Variants in SRI observed in about 807,000 individuals in gnomAD.
SRI encodes the protein sorcin, also known as 22 kDa protein.
In SRI, 30 loss-of-function variants were observed where a neutral mutation model predicts 33.3. The ratio of observed to expected loss-of-function variants is 0.90; its 90% confidence interval spans 0.67 to 1.22. SRI has a LOEUF of 1.22. Among genes scored for constraint, SRI ranks in the 50% most tolerant of loss-of-function variants. The probability of loss-of-function intolerance (pLI) is 0.00; values close to 1 mark genes in which losing one functional copy is unlikely to be tolerated. For missense variants in SRI, 243 were observed against 250.8 expected, an observed-to-expected ratio of 0.97 and a Z score of 0.21; for synonymous variants, 75 against 89.9, an observed-to-expected ratio of 0.83 and a Z score of 0.94.
chr7:88,216,363 A>T (rs1851714289), intron 3 of SRI, among the ~76,000 whole-genome samples: 1 of 152,150 alleles, frequency 6.6e-6, no homozygotes, highest in Non-Finnish European at 1.5e-5. Flanking sequence ...GGGCTGAATT[A>T]TGGAGCAGCA....
intron 6 of SRI, chr7:88,208,943 A>G (rs1301696472): frequency 2.9e-5 from 8 of 280,030 alleles, no homozygotes; most frequent in South Asian, 1.3e-4. Context: ...AGAGTCCCCA[A>G]TATAACAAAT....
intron 3 of SRI, among the ~76,000 whole-genome samples, chr7:88,212,160 G>T (rs1160666078): frequency 6.6e-6 from 1 of 152,064 alleles, no homozygotes; most frequent in Non-Finnish European, 1.5e-5. Context: ...ACACAACTGC[G>T]CTCATTACTG....
chr7:88,225,731 A>T (rs1281875797), intron 1 of SRI, among the ~76,000 whole-genome samples: 1 of 152,190 alleles, frequency 6.6e-6, no homozygotes, highest in Non-Finnish European at 1.5e-5. Context: ...CTATTGGATC[A>T]AGAATTTGGA....
chr7:88,209,500 C>T, intron 5 of SRI, 48 bp from the exon 6 acceptor site: 1 of 1,410,558 alleles, frequency 7.1e-7, no homozygotes, highest in Non-Finnish European at 1.0e-6. Flanking sequence ...TGCAGAAGCT[C>T]ATTAAAAAAT....
In SRI at chr7:88,208,885, G is replaced by A. The variant is rs555607465; in HGVS notation, c.512-320C>T. 1.8e-4 allele frequency: 62 copies of A among 341,538 alleles called. No homozygotes were observed. The Middle Eastern group carries it at 3.6e-3, about 20-fold the overall frequency. The allele number at this position is 341,538 out of a possible 1,614,324, so 21.2% of individuals were successfully genotyped here. A position where few individuals can be genotyped will look rare whatever the true frequency, so the allele number is the denominator to read the frequency against. ...ATTACTTCATTGTGATAAAAGCACC[G>A]AATTTCTAGCTTCTTAATAACAAAG... is the stretch of plus-strand genomic sequence containing the variant. On this transcript the variant is annotated intron_variant, in intron 6 of 7. Transcript: ENST00000265729.
chr7:88,224,294 CTACATA>C (rs1195149248), upstream of SRI, among the ~76,000 whole-genome samples: 2 of 152,194 alleles, frequency 1.3e-5, no homozygotes. Context: ...ATATAAAGCT[CTACATA>C]TAGTATCCAA....
At chr7:88,220,395 G>T (rs1434577730), upstream of SRI, among the ~76,000 whole-genome samples, 2 of 150,416 alleles carry the variant, frequency 1.3e-5, no homozygotes, top group Non-Finnish European at 3.0e-5. Flanking sequence ...GCTATTATCT[G>T]GCACATTTCT....
rs1163175992 is a variant in SRI, at chr7:88,220,001, G to C, written c.26C>G (p.Ala9Gly). 2 of 1,536,114 alleles carry C rather than the reference G, an allele frequency of 1.3e-6. No individual in the cohort carries two copies. Among genetic ancestry groups the C allele is most frequent in the Non-Finnish European group, 1.7e-6 (2 of 1,145,954 alleles). MAYPGHPG[A>G]GGGYYPGGYG... The stretch of plus-strand genomic sequence containing the variant: ...CCCGCCTGGGTAGTACCCGCCGCCG[G>C]CGCCAGGATGCCCCGGGTACGCCAT... The change falls in exon 1 of 8, where the codon GCC becomes GGC. Residue 9 changes from alanine (A) to glycine (G), a missense_variant. Ala to Gly is a moderately conservative substitution (Grantham distance 60, BLOSUM62 0). Transcript: ENST00000265729.
rs1279122451 is a variant in SRI at position 88,210,936 on chromosome 7, A to G, written c.206-11T>C. ...TCTCCAGGTTAAAAGCTGTTAAATCAAGAAAAGTACATACATATTAACACA... is the reference window on the plus strand; with the variant it reads ...TCTCCAGGTTAAAAGCTGTTAAATCGAGAAAAGTACATACATATTAACACA... On this transcript the variant is annotated splice_polypyrimidine_tract_variant and intron_variant, in intron 3 of 7. Coordinates refer to ENST00000265729, the MANE Select transcript of SRI (RefSeq NM_003130.4). 10 of 1,612,566 alleles carry G rather than the reference A, an allele frequency of 6.2e-6. No individual in the cohort carries two copies. Among genetic ancestry groups the G allele is most frequent in the African/African-American group, 1.3e-5 (1 of 74,904 alleles).
upstream of SRI, among the ~76,000 whole-genome samples, chr7:88,221,249 A>G (rs1209241626): frequency 6.6e-6 from 1 of 152,126 alleles, no homozygotes; most frequent in Non-Finnish European, 1.5e-5. Context: ...CATTCGGTTC[A>G]TTGTTTTTCT....
At chr7:88,222,589 C>G (rs527454202), upstream of SRI, among the ~76,000 whole-genome samples, 1 of 151,942 alleles carries the variant, frequency 6.6e-6, no homozygotes, top group East Asian at 1.9e-4. Flanking sequence ...TGGATATTAG[C>G]CCTCAAACTA....
intron 2 of SRI, among the ~76,000 whole-genome samples, chr7:88,218,525 G>C (rs1851790246): frequency 6.6e-6 from 1 of 152,166 alleles, no homozygotes; most frequent in South Asian, 2.1e-4. Flanking sequence ...TTAGAATCGA[G>C]CTATGTAATT....
intron 7 of SRI, chr7:88,208,179 C>T: frequency 8.4e-6 from 2 of 237,410 alleles, no homozygotes; most frequent in East Asian, 9.5e-5. Context: ...CTTACAATGG[C>T]TCAGTGAAAA....
At chr7:88,217,225 G>A in intron 2 of SRI, 34 bp from the exon 3 acceptor site, 2 of 1,561,864 alleles carry the variant, frequency 1.3e-6, no homozygotes, top group South Asian at 1.1e-5. Context: ...TCATAATAGT[G>A]ATTTGTACTT....
rs749520705 is a variant in SRI at position 88,208,588 on chromosome 7, T to G, written c.512-23A>C. 2.5e-6 allele frequency: 4 copies of G among 1,613,308 alleles called. No homozygotes were observed. In the African/African-American group the frequency reaches 5.3e-5, roughly 22 times the overall value. On this transcript the variant is annotated intron_variant, in intron 6 of 7. Coordinates refer to ENST00000265729, the MANE Select transcript of SRI (RefSeq NM_003130.4). ...TGTCTGTAAAACAACACAGTAAAAT[T>G]TATGGTTTTTCTTTAAATGGTTTTT... is the stretch of plus-strand genomic sequence containing the variant.
intron 4 of SRI, chr7:88,210,369 T>G (rs1359562169): frequency 1.9e-6 from 1 of 540,280 alleles, no homozygotes; most frequent in East Asian, 3.5e-5. Flanking sequence ...GGAAATAGCG[T>G]TGCCATTGTG....
intron 7 of SRI, among the ~76,000 whole-genome samples, 161 bp from the exon 8 acceptor site, chr7:88,206,665 T>A (rs1364021449): frequency 6.6e-5 from 10 of 152,206 alleles, no homozygotes; most frequent in Non-Finnish European, 1.5e-4. Context: ...GTTTCCTTTT[T>A]TTAGGGAAGC....
chr7:88,210,523 A>G (rs1851549994), intron 4 of SRI: 2 of 385,660 alleles, frequency 5.2e-6, no homozygotes, highest in Non-Finnish European at 9.7e-6. Flanking sequence ...ATGAGGTGGG[A>G]TGGAATGCAC....
intron 3 of SRI, chr7:88,216,891 G>T: frequency 1.8e-6 from 1 of 565,598 alleles, no homozygotes; most frequent in Admixed American, 3.0e-5. Flanking sequence ...CCTCCTGCCT[G>T]GGCCTCTGAA....
Sources: gnomAD v4.1 joint callset for allele counts (sites outside exome capture counted in the v4.1 genomes callset) on GRCh38, gnomAD v4.1.1 for gene constraint, MANE v1.5 for transcripts, NCBI Gene and HGNC (gene_info 2026-07-23, HGNC 2026-07-21) for gene names.